ADGB: variants seen among roughly 807,000 people sequenced by gnomAD.
ADGB encodes androglobin, also known as calpain-7-like protein.
A neutral mutation model predicts 210.5 loss-of-function variants in ADGB; 172 were observed. That is an observed-to-expected ratio of 0.82 (90% confidence interval 0.72 to 0.93). ADGB has a LOEUF of 0.93. Among genes scored for constraint, ADGB ranks in the 40% least tolerant of loss-of-function variants. The probability of loss-of-function intolerance (pLI) is 0.00; values close to 1 mark genes in which losing one functional copy is unlikely to be tolerated. For synonymous variants in ADGB, 658 were observed against 662.7 expected, an observed-to-expected ratio of 0.99 and a Z score of 0.11; for missense variants, 2,025 against 1,964.8, an observed-to-expected ratio of 1.03 and a Z score of -0.58.
intron 13 of ADGB, among the ~76,000 whole-genome samples, chr6:146,711,684 G>A (rs940151207): frequency 2.0e-5 from 3 of 152,032 alleles, no homozygotes; most frequent in Non-Finnish European, 2.9e-5. Flanking sequence ...AAATTGTAAA[G>A]GTCTTATTTA....
rs143884539 is a variant in ADGB, at chr6:146,693,194, T to A, written c.1577+279T>A. Among the ~76,000 whole-genome samples, 23 of 152,316 alleles carry A rather than the reference T, an allele frequency of 1.5e-4. No homozygotes were observed. In the East Asian group the frequency reaches 3.3e-3, roughly 22 times the overall value. On this transcript the variant is annotated intron_variant, in intron 12 of 35. Coordinates refer to ENST00000397944, the MANE Select transcript of ADGB (RefSeq NM_024694.4). The stretch of plus-strand genomic sequence containing the variant: ...AAATTCATAGGTTAAAGTTCTGACC[T>A]GCCAGTGTGGCTGCATTTGGAGGTA...
intron 12 of ADGB, among the ~76,000 whole-genome samples, chr6:146,697,926 T>A (rs766249580): frequency 2.6e-5 from 4 of 152,178 alleles, no homozygotes; most frequent in Non-Finnish European, 5.9e-5. Context: ...CAAAGCAATA[T>A]GGACAAATCT....
intron 3 of ADGB, among the ~76,000 whole-genome samples, chr6:146,648,897 T>C (rs879944628): frequency 6.6e-5 from 10 of 151,870 alleles, no homozygotes; most frequent in Admixed American, 2.0e-4. Context: ...CCTTAACTGT[T>C]TATCAGATGT....
At chr6:146,745,183 G>C (rs1346322752) in intron 25 of ADGB, among the ~76,000 whole-genome samples, 1 of 152,298 alleles carries the variant, frequency 6.6e-6, no homozygotes. Context: ...AGAGCTATTT[G>C]TGGGCAGAGT....
intron 12 of ADGB, among the ~76,000 whole-genome samples, chr6:146,699,145 T>C (rs1485399658): frequency 6.6e-6 from 1 of 152,084 alleles, no homozygotes; most frequent in African/African-American, 2.4e-5. Flanking sequence ...TAGATAAAGA[T>C]ACAAATATAG....
At chr6:146,731,429 C>T (rs1286998128) in intron 20 of ADGB, among the ~76,000 whole-genome samples, 2 of 151,602 alleles carry the variant, frequency 1.3e-5, no homozygotes, top group African/African-American at 4.8e-5. Flanking sequence ...CAACACCTGT[C>T]TCCTCTACCA....
At chr6:146,650,932 A>G (rs912000) in intron 3 of ADGB, among the ~76,000 whole-genome samples, 107,304 of 152,124 alleles carry the variant, frequency 0.71, 37,925 homozygotes, top group African/African-American at 0.74. Flanking sequence ...ATGTCACAGA[A>G]GCCAACACAG....
intron 34 of ADGB, 71 bp downstream of exon 34, chr6:146,801,350 A>C (rs1189249106): frequency 9.0e-6 from 9 of 994,892 alleles, no homozygotes; most frequent in African/African-American, 1.7e-5. Flanking sequence ...AAATACTTAA[A>C]TGTTTTCTGT....
At chr6:146,776,869 C>T (rs562573527) in intron 29 of ADGB, among the ~76,000 whole-genome samples, 1 of 152,112 alleles carries the variant, frequency 6.6e-6, no homozygotes, top group Non-Finnish European at 1.5e-5. Context: ...GAGAAGGAAA[C>T]TTAGACTCAA....
chr6:146,689,414 A>G (rs1776272447), intron 10 of ADGB, among the ~76,000 whole-genome samples: 1 of 152,102 alleles, frequency 6.6e-6, no homozygotes, highest in Non-Finnish European at 1.5e-5. Context: ...CTGTATTTAA[A>G]TTTCTTGTGC....
chr6:146,812,830 C>T (rs1283014144), intron 35 of ADGB, among the ~76,000 whole-genome samples: 1 of 152,170 alleles, frequency 6.6e-6, no homozygotes, highest in Non-Finnish European at 1.5e-5. Context: ...TAACTGGGAA[C>T]AACTTGGACA....
intron 13 of ADGB, among the ~76,000 whole-genome samples, chr6:146,709,491 A>G (rs940913314): frequency 2.0e-5 from 3 of 152,178 alleles, no homozygotes; most frequent in African/African-American, 7.2e-5. Flanking sequence ...CAACCCTGGC[A>G]CTTGCGTCTG....
chr6:146,681,409 A>T (rs993575410), intron 9 of ADGB, among the ~76,000 whole-genome samples: 13 of 152,110 alleles, frequency 8.5e-5, no homozygotes, highest in African/African-American at 3.1e-4. Flanking sequence ...ACCCTGCAGA[A>T]CCATGAGCCA....
At chr6:146,721,746 G>T (rs1164661823) in intron 17 of ADGB, among the ~76,000 whole-genome samples, 1 of 152,120 alleles carries the variant, frequency 6.6e-6, no homozygotes, top group Admixed American at 6.5e-5. Context: ...GCTGAAGCAG[G>T]ACAATCCCTT....
At chr6:146,793,215 CA>C (rs1777977645) in intron 33 of ADGB, among the ~76,000 whole-genome samples, 1 of 125,180 alleles carries the variant, frequency 8.0e-6, no homozygotes, top group Non-Finnish European at 1.6e-5. Context: ...GTGCATTTTA[CA>C]GAGCACTGAT....
chr6:146,694,874 T>G (rs552393246), intron 12 of ADGB, among the ~76,000 whole-genome samples: 38 of 152,312 alleles, frequency 2.5e-4, no homozygotes, highest in African/African-American at 8.2e-4. Context: ...TTCTGTCACT[T>G]GGACACAAGC....
intron 5 of ADGB, among the ~76,000 whole-genome samples, chr6:146,659,399 T>C (rs975467357): frequency 6.6e-6 from 1 of 152,200 alleles, no homozygotes; most frequent in Non-Finnish European, 1.5e-5. Flanking sequence ...CTGTTTTTCT[T>C]CTTTAGTTTC....
At chr6:146,600,939 C>T (rs1191046771) in intron 1 of ADGB, among the ~76,000 whole-genome samples, 1 of 142,790 alleles carries the variant, frequency 7.0e-6, no homozygotes, top group Non-Finnish European at 1.5e-5. Flanking sequence ...CACACACACA[C>T]ACACACACAC....
chr6:146,712,801 C>T (rs924207458), intron 13 of ADGB, among the ~76,000 whole-genome samples: 1 of 152,048 alleles, frequency 6.6e-6, no homozygotes, highest in Non-Finnish European at 1.5e-5. Flanking sequence ...CATTTTTAAG[C>T]GTGCAGTTCA....
Sources: gnomAD v4.1 joint callset for allele counts (sites outside exome capture counted in the v4.1 genomes callset) on GRCh38, gnomAD v4.1.1 for gene constraint, MANE v1.5 for transcripts, NCBI Gene and HGNC (gene_info 2026-07-23, HGNC 2026-07-21) for gene names.